EYA1: variants seen among roughly 807,000 people sequenced by gnomAD.
EYA1 encodes EYA transcriptional coactivator and phosphatase 1.
Under a neutral mutation model 82.0 loss-of-function variants are expected in EYA1, and 16 were observed. The observed-to-expected ratio is 0.20, with a 90% CI of 0.13 to 0.30. The LOEUF is 0.30. Ranked by LOEUF, EYA1 falls within the 10% of genes least tolerant of loss-of-function variation. The pLI, the probability that EYA1 is intolerant of heterozygous loss-of-function variation, is 1.00. For missense variants in EYA1, 633 were observed against 730.7 expected, an observed-to-expected ratio of 0.87 and a Z score of 1.54; for synonymous variants, 261 against 264.4, an observed-to-expected ratio of 0.99 and a Z score of 0.12.
chr8:71,384,336 T>C (rs1268540487), intron 2 of EYA1, among the ~76,000 whole-genome samples: 1 of 152,182 alleles, frequency 6.6e-6, no homozygotes, highest in Non-Finnish European at 1.5e-5. Flanking sequence ...CACGGTAAGG[T>C]TGACTTACTC....
chr8:71,390,836 A>G (rs181882204), intron 2 of EYA1, among the ~76,000 whole-genome samples: 1 of 151,830 alleles, frequency 6.6e-6, no homozygotes, highest in East Asian at 1.9e-4. Flanking sequence ...TTTTCTTACT[A>G]TTTTTTAGAT....
chr8:71,242,675 G>A (rs1033447887), intron 12 of EYA1, among the ~76,000 whole-genome samples: 1 of 151,412 alleles, frequency 6.6e-6, no homozygotes, highest in African/African-American at 2.4e-5. Context: ...TTGAAATTGA[G>A]TTTGGAAGTT....
In EYA1 at chr8:71,271,764, A is replaced by G. The variant is rs780848119; in HGVS notation, c.960T>C (p.Asp320=). 3 of 1,614,206 alleles carry G rather than the reference A, an allele frequency of 1.9e-6. No individual in the cohort carries two copies. The highest frequency in any genetic ancestry group is 1.3e-5 in the African/African-American group (1 of 75,056). ...NNNPSPPPDS[D]LERVFIWDLD... is the part of the protein sequence containing the mutation. ...GGTGTTGGCTATGACGTACCTCAAGATCAGAATCTGGGGGAGGTGAAGGAT... is the reference window on the plus strand; with the variant it reads ...GGTGTTGGCTATGACGTACCTCAAGGTCAGAATCTGGGGGAGGTGAAGGAT... Residue 320 remains aspartate (D), a synonymous_variant, in exon 10 of 18, where the codon GAT becomes GAC. Transcript: ENST00000340726.
intron 12 of EYA1, among the ~76,000 whole-genome samples, chr8:71,219,279 T>A (rs1162830258): frequency 6.6e-6 from 1 of 152,216 alleles, no homozygotes; most frequent in African/African-American, 2.4e-5. Context: ...GATAGCAAAC[T>A]CACTTCACAG....
chr8:71,434,625 G>A (rs774170855), intron 2 of EYA1, among the ~76,000 whole-genome samples: 3 of 152,102 alleles, frequency 2.0e-5, no homozygotes, highest in African/African-American at 4.8e-5. Context: ...CACCAGGAAC[G>A]TCATACATTT....
intron 2 of EYA1, chr8:71,531,263 T>C (rs111830744): frequency 6.6e-6 from 1 of 152,146 alleles, no homozygotes; most frequent in South Asian, 2.1e-4. Flanking sequence ...CCACTTGACC[T>C]ACAAAATTGT....
chr8:71,292,500 G>A (rs1448512147), intron 9 of EYA1, among the ~76,000 whole-genome samples: 3 of 152,018 alleles, frequency 2.0e-5, no homozygotes, highest in Non-Finnish European at 2.9e-5. Flanking sequence ...TTTATAGAGA[G>A]TGAAATTTGA....
At chr8:71,316,267 T>C (rs190266852) in intron 7 of EYA1, among the ~76,000 whole-genome samples, 2 of 152,140 alleles carry the variant, frequency 1.3e-5, no homozygotes, top group Admixed American at 6.5e-5. Context: ...ACTTAGAAAT[T>C]CTATACTTAA....
intron 16 of EYA1, 129 bp downstream of exon 16, chr8:71,215,258 T>TAA: frequency 1.1e-6 from 1 of 912,466 alleles, no homozygotes; most frequent in South Asian, 1.5e-5. Context: ...GCAAATTGGT[T>TAA]AAATTATTCT....
intron 2 of EYA1, among the ~76,000 whole-genome samples, chr8:71,370,046 A>AT (rs1420864853): frequency 6.6e-6 from 1 of 152,152 alleles, no homozygotes; most frequent in East Asian, 1.9e-4. Flanking sequence ...TTAAAAAAAA[A>AT]GCCACCATAT....
At chr8:71,522,533 T>C (rs2129271871) in intron 2 of EYA1, among the ~76,000 whole-genome samples, 1 of 152,334 alleles carries the variant, frequency 6.6e-6, no homozygotes, top group South Asian at 2.1e-4. Context: ...TTAATCTCTT[T>C]TTGTAACTTG....
intron 4 of EYA1, among the ~76,000 whole-genome samples, chr8:71,326,467 C>G (rs1354230596): frequency 6.6e-6 from 1 of 152,048 alleles, no homozygotes; most frequent in Non-Finnish European, 1.5e-5. Flanking sequence ...AGAAGAAGCA[C>G]CTCCTGATTC....
intron 7 of EYA1, among the ~76,000 whole-genome samples, chr8:71,313,992 C>T (rs1821631988): frequency 6.6e-6 from 1 of 152,052 alleles, no homozygotes; most frequent in African/African-American, 2.4e-5. Context: ...AGTCATCATA[C>T]CTTATATTTT....
intron 4 of EYA1, among the ~76,000 whole-genome samples, chr8:71,333,137 C>T (rs1371402951): frequency 1.3e-5 from 2 of 152,142 alleles, no homozygotes; most frequent in African/African-American, 4.8e-5. Context: ...AGCATGGCAC[C>T]AACCACATTG....
intron 9 of EYA1, among the ~76,000 whole-genome samples, chr8:71,277,578 T>C (rs958152678): frequency 6.6e-6 from 1 of 152,246 alleles, no homozygotes; most frequent in Non-Finnish European, 1.5e-5. Flanking sequence ...AATTATGTAC[T>C]CTTATCTCTA....
intron 6 of EYA1, among the ~76,000 whole-genome samples, chr8:71,321,111 G>A (rs552217918): frequency 7.2e-5 from 11 of 152,154 alleles, no homozygotes; most frequent in African/African-American, 2.4e-4. Flanking sequence ...TTAATTTACA[G>A]GTATTGACCC....
intron 2 of EYA1, among the ~76,000 whole-genome samples, chr8:71,406,556 C>A (rs7823828): frequency 0.73 from 110,355 of 152,078 alleles, 40,968 homozygotes; most frequent in African/African-American, 0.84. Context: ...GCATTGCCTC[C>A]CTTGGGAAGC....
intron 1 of EYA1, 125 bp from the exon 2 acceptor site, chr8:71,356,636 T>C (rs1826911852): frequency 7.1e-7 from 1 of 1,404,512 alleles, no homozygotes; most frequent in Non-Finnish European, 9.3e-7. Context: ...AAAAGGAGGA[T>C]ACTGCAGCAG....
intron 12 of EYA1, among the ~76,000 whole-genome samples, chr8:71,230,062 A>G (rs973326505): frequency 2.6e-5 from 4 of 152,190 alleles, no homozygotes; most frequent in African/African-American, 9.6e-5. Flanking sequence ...TAGAGGCCCT[A>G]TTGTAGCTGC....
Sources: allele counts gnomAD v4.1 joint callset (sites outside exome capture counted in the v4.1 genomes callset), GRCh38; gene constraint gnomAD v4.1.1; transcripts MANE v1.5; gene names NCBI Gene and HGNC (gene_info 2026-07-23, HGNC 2026-07-21).